Variants in CYP46A1 observed in about 807,000 individuals in gnomAD.
CYP46A1 encodes the protein cytochrome P450 family 46 subfamily A member 1.
A neutral mutation model predicts 63.3 loss-of-function variants in CYP46A1; 20 were observed. The ratio of observed to expected loss-of-function variants is 0.32; its 90% CI spans 0.22 to 0.46. The LOEUF (loss-of-function observed/expected upper bound fraction) is 0.46, where lower values mean the gene tolerates loss of function less well. Ranked by LOEUF, CYP46A1 falls within the 20% of genes least tolerant of loss-of-function variation. CYP46A1 has a pLI of 1.00. For missense variants in CYP46A1, 445 were observed against 670.8 expected (o/e 0.66, Z 3.72); for synonymous variants, 268 against 273.6 (o/e 0.98, Z 0.20).
intron 7 of CYP46A1, chr14:99,707,941 G>A (rs2056693957): frequency 2.4e-6 from 1 of 415,926 alleles, no homozygotes; most frequent in Non-Finnish European, 4.3e-6. Flanking sequence ...GACTATGATG[G>A]CTCCATGGTG....
chr14:99,706,284 C>A (rs1054443156), intron 5 of CYP46A1: 1 of 184,854 alleles, frequency 5.4e-6, no homozygotes, highest in South Asian at 1.2e-4. Context: ...GAGTAGAGGG[C>A]AGGAGGGGAA....
At chr14:99,706,916 A>G in intron 6 of CYP46A1, 131 bp downstream of exon 6, 1 of 1,174,248 alleles carries the variant, frequency 8.5e-7, no homozygotes, top group South Asian at 1.6e-5. Flanking sequence ...TCTGTGCTTC[A>G]TATATTCTGT....
At chr14:99,694,828 T>G (rs2056574003) in intron 3 of CYP46A1, among the ~76,000 whole-genome samples, 1 of 152,200 alleles carries the variant, frequency 6.6e-6, no homozygotes, top group African/African-American at 2.4e-5. Flanking sequence ...ATTTCCTTTC[T>G]GTATTCACTT....
At chr14:99,686,143 T>A (rs918129726) in intron 1 of CYP46A1, among the ~76,000 whole-genome samples, 2 of 152,156 alleles carry the variant, frequency 1.3e-5, no homozygotes, top group African/African-American at 4.8e-5. Flanking sequence ...CAATTCAAGG[T>A]TGAATGGTGG....
intron 3 of CYP46A1, among the ~76,000 whole-genome samples, chr14:99,696,816 T>G (rs1006492745): frequency 6.6e-6 from 1 of 152,248 alleles, no homozygotes; most frequent in African/African-American, 2.4e-5. Flanking sequence ...TTTACATTTT[T>G]GGGCACTAGG....
chr14:99,699,640 G>A, intron 4 of CYP46A1, 101 bp downstream of exon 4: 2 of 1,289,340 alleles, frequency 1.6e-6, no homozygotes, highest in Non-Finnish European at 2.3e-6. Context: ...ATTGAGGCCT[G>A]AGGCCCTGGC....
Position 99,687,581 on chromosome 14 carries a change from G to A in CYP46A1, c.119+3045G>A, listed in dbSNP as rs375198911. On this transcript the variant is annotated intron_variant, in intron 1 of 14. Transcript: ENST00000261835. ...CCCTCACGCCTACCCCTAGTGGGTA[G>A]CCCGCTCCTCCACTACTGGAGCATT... is the stretch of plus-strand genomic sequence containing the variant. Among the ~76,000 whole-genome samples, 80 of 152,316 alleles carry A rather than the reference G, an allele frequency of 5.3e-4. 2 individuals carry two copies. The South Asian group carries it at 0.014, about 27-fold the overall frequency.
At position 99,716,031 on chromosome 14, in the gene CYP46A1, A is replaced by T. The variant is rs531904093; in HGVS notation, c.844+71A>T. ...GACGTTCCCCAGGTGATACATCGCC[A>T]CTGACTCTGTTTGGCTTAAGAGGAG... is the stretch of plus-strand genomic sequence containing the variant. On this transcript the variant is annotated intron_variant, in intron 8 of 14. Coordinates refer to ENST00000261835, the MANE Select transcript of CYP46A1 (RefSeq NM_006668.2). The T allele has an allele frequency of 1.9e-6, 3 of 1,607,608 alleles. No individual in the cohort carries two copies. The East Asian group carries it at 6.7e-5, about 36-fold the overall frequency.
At chr14:99,721,457 T>C in intron 11 of CYP46A1, 134 bp downstream of exon 11, 1 of 678,328 alleles carries the variant, frequency 1.5e-6, no homozygotes, top group Non-Finnish European at 2.7e-6. Context: ...AGATTTAAAG[T>C]ATCCTGAGGC....
At chr14:99,707,755 ATTTTT>A in intron 7 of CYP46A1, 77 bp downstream of exon 7, 1 of 973,406 alleles carries the variant, frequency 1.0e-6, no homozygotes, top group Non-Finnish European at 1.5e-6. Flanking sequence ...TCCTTCAGTG[ATTTTT>A]TTTTTTTTTC....
rs760975591 is a variant in CYP46A1 at position 99,707,624 on chromosome 14, G to A, written c.639G>A (p.Gln213=). ...MLLGAQKPLS[Q]AVKLMLEGIT... is the part of the protein sequence containing the mutation. The stretch of plus-strand genomic sequence containing the variant: ...TGGGTGCCCAGAAGCCTCTGTCCCA[G>A]GCAGTGAAACTTATGTTGGAGGGAA... Residue 213 remains glutamine (Q), a synonymous_variant, in exon 7 of 15, where the codon CAG becomes CAA. Transcript: ENST00000261835. 2 of 1,614,132 alleles carry A rather than the reference G, an allele frequency of 1.2e-6. No individual in the cohort carries two copies. Among genetic ancestry groups the A allele is most frequent in the Non-Finnish European group, 1.7e-6 (2 of 1,179,996 alleles).
intron 3 of CYP46A1, among the ~76,000 whole-genome samples, chr14:99,694,887 T>C (rs113301261): frequency 3.9e-5 from 6 of 152,250 alleles, no homozygotes; most frequent in African/African-American, 1.4e-4. Flanking sequence ...GTTTAAACAA[T>C]TGATTTTAGA....
rs933787298 is a variant in CYP46A1 at position 99,722,627 on chromosome 14, T to G, written c.1176+561T>G. ...CTGACAAGGAATCACTAATCTGAAT[T>G]GTGTGTTTGCCATTCCCGTGTGTGT... On this transcript the variant is annotated intron_variant, in intron 12 of 14. Transcript: ENST00000261835. The surrounding 1 kb of genome is among the most constrained non-coding windows in gnomAD (Gnocchi z 4.6). 1.4e-5 allele frequency among the ~76,000 whole-genome samples: 2 copies of G among 140,944 alleles called. No homozygotes were observed. Among genetic ancestry groups the G allele is most frequent in the Non-Finnish European group, 3.1e-5 (2 of 63,498 alleles). The allele number at this position is 140,944 out of a possible 152,430, so 92.5% of individuals were successfully genotyped here.
chr14:99,702,011 A>C (rs1218270136), intron 5 of CYP46A1, among the ~76,000 whole-genome samples: 1 of 145,022 alleles, frequency 6.9e-6, no homozygotes, highest in Non-Finnish European at 1.5e-5. Flanking sequence ...CGGAGGTTGA[A>C]GTGAGCTGAG....
In CYP46A1 at chr14:99,721,333, G is replaced by T. The variant is rs777455722; in HGVS notation, c.1065+10G>T. 6.3e-7 allele frequency: 1 copy of T among 1,587,236 alleles called. No homozygotes were observed. The highest frequency in any genetic ancestry group is 8.7e-7 in the Non-Finnish European group (1 of 1,155,492). ...GCAGTACCTGTCCCAGGTGTGGGAAGTAGGAGGGAAGCTTCTGGGCGGATG... is the reference window on the plus strand; with the variant it reads ...GCAGTACCTGTCCCAGGTGTGGGAATTAGGAGGGAAGCTTCTGGGCGGATG... On this transcript the variant is annotated intron_variant, in intron 11 of 14. Coordinates refer to ENST00000261835, the MANE Select transcript of CYP46A1 (RefSeq NM_006668.2).
At chr14:99,685,205 T>C (rs999634404) in intron 1 of CYP46A1, among the ~76,000 whole-genome samples, 1 of 150,552 alleles carries the variant, frequency 6.6e-6, no homozygotes, top group South Asian at 2.1e-4. Context: ...GTCGGCTGCA[T>C]GGCCCGCGAG....
In CYP46A1 at chr14:99,699,491, A is replaced by G. The variant is rs1390297543; in HGVS notation, c.308A>G (p.Asn103Ser). ...AAGTTCCTGATGTCAACCAAGTACA[A>G]CAAGGACTCCAAGATGTACCGTGCG... The part of the protein sequence containing the change: ...VKKFLMSTKY[N>S]KDSKMYRALQ... The change falls in exon 4 of 15, where the codon AAC becomes AGC. Residue 103 changes from asparagine to serine, a missense_variant. By Grantham distance (46) the Asn-to-Ser change is conservative (BLOSUM62 1). Transcript: ENST00000261835. The G allele has an allele frequency of 6.2e-7, 1 of 1,614,198 alleles. No homozygotes were observed. The highest frequency in any genetic ancestry group is 1.1e-5 in the South Asian group (1 of 91,082).
intron 2 of CYP46A1, 173 bp from the exon 3 acceptor site, chr14:99,691,607 C>A: frequency 1.6e-6 from 1 of 623,460 alleles, no homozygotes. Flanking sequence ...GGCAAGTGAG[C>A]AACAGGGCAG....
At chr14:99,713,092 TA>T (rs2056749630) in intron 7 of CYP46A1, 1 of 152,050 alleles carries the variant, frequency 6.6e-6, no homozygotes, top group South Asian at 2.1e-4. Flanking sequence ...GCAGAAGAAT[TA>T]AACCATACCC....
Sources: gnomAD v4.1 joint callset for allele counts (sites outside exome capture counted in the v4.1 genomes callset) on GRCh38, gnomAD v4.1.1 for gene constraint, Gnocchi (gnomAD v3.1) non-coding constraint, MANE v1.5 for transcripts, NCBI Gene and HGNC (gene_info 2026-07-23, HGNC 2026-07-21) for gene names.